Variants in DYNC2H1 observed in about 807,000 individuals in gnomAD.
DYNC2H1 encodes cytoplasmic dynein 2 heavy chain 1.
In DYNC2H1, 410 loss-of-function variants were observed where a neutral mutation model predicts 570.0. The observed-to-expected ratio is 0.72, with a 90% CI of 0.66 to 0.78. The LOEUF (loss-of-function observed/expected upper bound fraction) is 0.78. Ranked by LOEUF, DYNC2H1 falls within the 30% of genes least tolerant of loss-of-function variation. DYNC2H1 has a pLI of 0.00. For missense variants in DYNC2H1, 4,865 were observed against 5,046.4 expected (o/e 0.96, Z 1.09); for synonymous variants, 1,688 against 1,677.6 (o/e 1.01, Z -0.15).
chr11:103,210,410 T>C (rs757109286), intron 53 of DYNC2H1, among the ~76,000 whole-genome samples: 4 of 152,014 alleles, frequency 2.6e-5, no homozygotes, highest in Non-Finnish European at 5.9e-5. Context: ...AAATTAATTT[T>C]GATTGTGGTC....
At chr11:103,437,068 G>C (rs1944089339) in intron 85 of DYNC2H1, among the ~76,000 whole-genome samples, 1 of 152,070 alleles carries the variant, frequency 6.6e-6, no homozygotes, top group Non-Finnish European at 1.5e-5. Context: ...CACTGCTCCT[G>C]TATTCCATAG....
At chr11:103,253,550 T>C (rs1864925242) in intron 66 of DYNC2H1, 102 bp downstream of exon 66, 1 of 1,145,088 alleles carries the variant, frequency 8.7e-7, no homozygotes, top group African/African-American at 1.6e-5. Context: ...AATTAGTATT[T>C]ACATTTATGA....
At chr11:103,283,199 A>G in intron 73 of DYNC2H1, 114 bp downstream of exon 73, 2 of 688,274 alleles carry the variant, frequency 2.9e-6, no homozygotes, top group Non-Finnish European at 4.6e-6. Context: ...ATAGGATGTA[A>G]GTTCCCCCAG....
intron 84 of DYNC2H1, among the ~76,000 whole-genome samples, chr11:103,419,939 T>A (rs573634430): frequency 6.6e-6 from 1 of 152,056 alleles, no homozygotes; most frequent in Non-Finnish European, 1.5e-5. Context: ...GAGAGGAACA[T>A]AGCCAACCTG....
At chr11:103,454,435 A>AG (rs973247153) in intron 85 of DYNC2H1, among the ~76,000 whole-genome samples, 1 of 141,422 alleles carries the variant, frequency 7.1e-6, no homozygotes. Context: ...AAACTACCTG[A>AG]GTTTAATAAC....
In DYNC2H1 at chr11:103,135,888, G is replaced by A. The variant is rs372003909; in HGVS notation, c.2514G>A (p.Thr838=). 9.9e-6 allele frequency: 16 copies of A among 1,612,672 alleles called. No homozygotes were observed. The highest frequency in any genetic ancestry group is 5.3e-5 in the African/African-American group (4 of 74,852). ...ATAGAAATGCAAGTGGATTTTTGAC[G>A]ATTTTCAGCAAAGCAGAAGATCTGT... The part of the protein sequence containing the change: ...MIDRNASGFL[T]IFSKAEDLFR... The change falls in exon 17 of 89, where the codon ACG becomes ACA. Residue 838 remains threonine (T), a synonymous_variant. Coordinates refer to ENST00000375735, the MANE Select transcript of DYNC2H1 (RefSeq NM_001377.3).
intron 55 of DYNC2H1, among the ~76,000 whole-genome samples, chr11:103,218,985 CAGAAT>C (rs1863482922): frequency 6.6e-6 from 1 of 152,138 alleles, no homozygotes; most frequent in East Asian, 1.9e-4. Context: ...TATACAAACT[CAGAAT>C]AGAGATACCT....
At chr11:103,418,388 T>C (rs1330463001) in intron 84 of DYNC2H1, among the ~76,000 whole-genome samples, 1 of 152,204 alleles carries the variant, frequency 6.6e-6, no homozygotes, top group Admixed American at 6.5e-5. Flanking sequence ...AAACAAATTA[T>C]TGAAAATTGA....
At chr11:103,126,767 G>T (rs1245262833) in intron 12 of DYNC2H1, among the ~76,000 whole-genome samples, 8 of 151,834 alleles carry the variant, frequency 5.3e-5, no homozygotes, top group African/African-American at 1.9e-4. Flanking sequence ...CTCCCGAGTA[G>T]CTGGGACTAT....
chr11:103,227,398 TCAAA>T (rs1297436570), intron 59 of DYNC2H1, among the ~76,000 whole-genome samples: 1 of 152,188 alleles, frequency 6.6e-6, no homozygotes, highest in Admixed American at 6.5e-5. Flanking sequence ...ATAATTCAGT[TCAAA>T]CAATTTTTCA....
chr11:103,199,420 TC>T lies in DYNC2H1; in HGVS notation c.8033del (p.Ser2678PhefsTer10). 5 of 1,611,914 alleles carry T rather than the reference TC, an allele frequency of 3.1e-6. No homozygotes were observed. The highest frequency in any genetic ancestry group is 4.2e-6 in the Non-Finnish European group (5 of 1,178,948). On this transcript the variant is annotated frameshift_variant, in exon 49 of 89. Transcript: ENST00000375735. LOFTEE classifies it high-confidence loss of function. The surrounding 1 kb of genome is among the most constrained non-coding windows in gnomAD (Gnocchi z 4.6). ...VSHMHGAVLF[S>X]PKISRGYELK... ...TCACATGCATGGAGCGGTCCTGTTT[TC>T]TCCAAAGATTTCCAGAGGATATGAA... is the stretch of plus-strand genomic sequence containing the variant.
At chr11:103,422,312 A>C (rs1943514735) in intron 84 of DYNC2H1, among the ~76,000 whole-genome samples, 1 of 152,166 alleles carries the variant, frequency 6.6e-6, no homozygotes, top group African/African-American at 2.4e-5. Flanking sequence ...AAAAATTGAA[A>C]AGGAAAGACT....
chr11:103,448,219 A>C (rs1410221908), intron 85 of DYNC2H1, among the ~76,000 whole-genome samples: 1 of 152,152 alleles, frequency 6.6e-6, no homozygotes, highest in Non-Finnish European at 1.5e-5. Flanking sequence ...GGAGCTTACT[A>C]CATTATCTAC....
chr11:103,205,073 C>A lies in DYNC2H1; in HGVS notation c.8454+109C>A. The A allele has an allele frequency of 1.1e-6, 1 of 935,918 alleles. No homozygotes were observed. Among genetic ancestry groups the A allele is most frequent in the Non-Finnish European group, 1.5e-6 (1 of 646,082 alleles). The allele number at this position is 935,918 out of a possible 1,614,324, so 58.0% of individuals were successfully genotyped here. A position where few individuals can be genotyped will look rare whatever the true frequency, so the allele number is the denominator to read the frequency against. ...TTATAACATCACCTTAATTATGGCACCAAACATCTCTTATGTTTGGAAATG... is the reference window on the plus strand; with the variant it reads ...TTATAACATCACCTTAATTATGGCAACAAACATCTCTTATGTTTGGAAATG... On this transcript the variant is annotated intron_variant, in intron 52 of 88. Coordinates refer to ENST00000375735, the MANE Select transcript of DYNC2H1 (RefSeq NM_001377.3). This position sits in a 1 kb window ranked among gnomAD's most constrained non-coding sequence, Gnocchi z 4.5.
At chr11:103,293,957 A>T (rs992503572) in intron 75 of DYNC2H1, among the ~76,000 whole-genome samples, 3 of 152,024 alleles carry the variant, frequency 2.0e-5, no homozygotes, top group Non-Finnish European at 4.4e-5. Flanking sequence ...GGCGCCTCTA[A>T]TCCCAGCTAC....
intron 82 of DYNC2H1, among the ~76,000 whole-genome samples, chr11:103,351,141 G>A (rs1049391222): frequency 2.0e-5 from 3 of 152,048 alleles, no homozygotes; most frequent in African/African-American, 7.2e-5. Flanking sequence ...TACATGTAAG[G>A]TTGCCTTTAT....
rs1358088439 is a variant in DYNC2H1 at position 103,189,856 on chromosome 11, T to C, written c.7437+40T>C. 6.5e-7 allele frequency: 1 copy of C among 1,541,578 alleles called. No homozygotes were observed. The highest frequency in any genetic ancestry group is 8.7e-7 in the Non-Finnish European group (1 of 1,149,012). The stretch of plus-strand genomic sequence containing the variant: ...AAATTGTAGCTTTCATGTCTATTAG[T>C]ATCATTTCTAAAGGTCTACTTTTAA... On this transcript the variant is annotated intron_variant, in intron 45 of 88. Coordinates refer to ENST00000375735, the MANE Select transcript of DYNC2H1 (RefSeq NM_001377.3). The surrounding 1 kb of genome is among the most constrained non-coding windows in gnomAD (Gnocchi z 4.3).
intron 70 of DYNC2H1, among the ~76,000 whole-genome samples, chr11:103,269,358 T>G (rs1461369234): frequency 6.6e-6 from 1 of 152,184 alleles, no homozygotes; most frequent in African/African-American, 2.4e-5. Flanking sequence ...TAACCTTACT[T>G]AGGATGGAAC....
rs566391866 is a variant in DYNC2H1, at chr11:103,375,326, C to T, written c.12156+16967C>T. 6.8e-4 allele frequency among the ~76,000 whole-genome samples: 103 copies of T among 152,282 alleles called. 2 individuals carry two copies. The South Asian group carries it at 0.018, about 27-fold the overall frequency. On this transcript the variant is annotated intron_variant, in intron 83 of 88. Transcript: ENST00000375735. ...TTGGAGAACCTCTGCTAGGGCAGTGCAGAAGGGAAATATGGGGTCATAGCC... is the reference window on the plus strand; with the variant it reads ...TTGGAGAACCTCTGCTAGGGCAGTGTAGAAGGGAAATATGGGGTCATAGCC...
Sources: gnomAD v4.1 joint callset for allele counts (sites outside exome capture counted in the v4.1 genomes callset) on GRCh38, gnomAD v4.1.1 for gene constraint, Gnocchi (gnomAD v3.1) non-coding constraint, MANE v1.5 for transcripts, NCBI Gene and HGNC (gene_info 2026-07-23, HGNC 2026-07-21) for gene names.